The following SAMD4A variants were observed in gnomAD, a reference collection of about 807,000 sequenced individuals.
The protein encoded by SAMD4A is protein Smaug homolog 1.
Under a neutral mutation model 81.3 loss-of-function variants are expected in SAMD4A, and 33 were observed. The ratio of observed to expected loss-of-function variants is 0.41; its 90% CI spans 0.31 to 0.54. The LOEUF (loss-of-function observed/expected upper bound fraction) is 0.54. Ranked by LOEUF, SAMD4A falls within the 20% of genes least tolerant of loss-of-function variation. The probability of loss-of-function intolerance (pLI) is 0.37; values close to 1 mark genes in which losing one functional copy is unlikely to be tolerated. For missense variants in SAMD4A, 854 were observed against 951.1 expected (o/e 0.90, Z 1.34); for synonymous variants, 389 against 382.1 (o/e 1.02, Z -0.21).
rs553384825 is a variant in SAMD4A at position 54,583,957 on chromosome 14, G to A, written c.196+15845G>A. 4.6e-4 allele frequency among the ~76,000 whole-genome samples: 70 copies of A among 152,286 alleles called. 1 individual carries two copies. Among genetic ancestry groups the A allele is most frequent in the Middle Eastern group, 3.4e-3 (1 of 294 alleles). ...TTTTTCATTAATTTTCTCCACCAGTGTAGTAATAGTACATTACAATGTTCT... is the reference window on the plus strand; with the variant it reads ...TTTTTCATTAATTTTCTCCACCAGTATAGTAATAGTACATTACAATGTTCT... On this transcript the variant is annotated intron_variant, in intron 2 of 12. Transcript: ENST00000554335.
chr14:54,728,176 G>A (rs186384260), intron 3 of SAMD4A, among the ~76,000 whole-genome samples: 296 of 152,300 alleles, frequency 1.9e-3, no homozygotes, highest in African/African-American at 5.4e-3. Context: ...GAGCAATTAC[G>A]TAAATGCTGT....
Position 54,567,940 on chromosome 14 carries a change from G to A in SAMD4A, c.24G>A (p.Gly8=), listed in dbSNP as rs1053171241. 7 of 1,609,532 alleles carry A rather than the reference G, an allele frequency of 4.3e-6. No homozygotes were observed. The African/African-American group carries it at 9.4e-5, about 22-fold the overall frequency. ...CCATGATGTTTCGCGACCAGGTCGG[G>A]GTGCTGGCGGGCTGGTTTAAGGGCT... The part of the protein sequence containing the change: MMFRDQV[G]VLAGWFKGWN... The change falls in exon 2 of 13, where the codon GGG becomes GGA. Residue 8 remains glycine (G), a synonymous_variant. Transcript: ENST00000554335.
At chr14:54,733,363 TA>T (rs11299853) in intron 3 of SAMD4A, among the ~76,000 whole-genome samples, 95,131 of 151,906 alleles carry the variant, frequency 0.63, 30,743 homozygotes, top group Non-Finnish European at 0.71. Context: ...CTAAAATTTT[TA>T]TAGAGGTTTT....
chr14:54,684,290 G>C (rs1594806653), intron 2 of SAMD4A, among the ~76,000 whole-genome samples: 1 of 152,210 alleles, frequency 6.6e-6, no homozygotes, highest in East Asian at 1.9e-4. Flanking sequence ...ACTTCCAAAG[G>C]GGGAGCAGCT....
At chr14:54,599,977 A>G (rs948450599) in intron 2 of SAMD4A, among the ~76,000 whole-genome samples, 5 of 152,214 alleles carry the variant, frequency 3.3e-5, no homozygotes, top group Non-Finnish European at 5.9e-5. Flanking sequence ...AGAGACATGT[A>G]TTCCTGTATA....
upstream of SAMD4A, among the ~76,000 whole-genome samples, chr14:54,566,550 G>C (rs997900207): frequency 6.6e-6 from 1 of 151,768 alleles, no homozygotes; most frequent in African/African-American, 2.4e-5. Context: ...GTCGTTGGGG[G>C]GCGTGTGCCT....
intron 2 of SAMD4A, among the ~76,000 whole-genome samples, chr14:54,592,893 T>A (rs1242854784): frequency 6.6e-6 from 1 of 152,242 alleles, no homozygotes; most frequent in Non-Finnish European, 1.5e-5. Flanking sequence ...TTTATGCGTG[T>A]TTTTAACAAT....
intron 2 of SAMD4A, among the ~76,000 whole-genome samples, chr14:54,699,218 A>G (rs2036651460): frequency 6.6e-6 from 1 of 152,204 alleles, no homozygotes; most frequent in Non-Finnish European, 1.5e-5. Flanking sequence ...ATCATTTAAA[A>G]CATGCCTGGT....
At chr14:54,606,812 T>A (rs986760516) in intron 2 of SAMD4A, among the ~76,000 whole-genome samples, 1 of 152,226 alleles carries the variant, frequency 6.6e-6, no homozygotes, top group Non-Finnish European at 1.5e-5. Context: ...AATCTACAGA[T>A]TGCCTGTCTT....
chr14:54,576,591 A>T (rs2033304309), intron 2 of SAMD4A, among the ~76,000 whole-genome samples: 1 of 152,218 alleles, frequency 6.6e-6, no homozygotes. Flanking sequence ...TGTGAGTGGG[A>T]GGATGGACCG....
chr14:54,665,191 C>A (rs2035731231), intron 2 of SAMD4A, among the ~76,000 whole-genome samples: 1 of 152,114 alleles, frequency 6.6e-6, no homozygotes, highest in African/African-American at 2.4e-5. Context: ...TGATTGTTAT[C>A]TTTAACAATA....
intron 2 of SAMD4A, among the ~76,000 whole-genome samples, chr14:54,577,737 G>A (rs958805416): frequency 1.3e-5 from 2 of 152,194 alleles, no homozygotes; most frequent in Non-Finnish European, 2.9e-5. Flanking sequence ...GTACACACTC[G>A]GAGGGAGATG....
Position 54,567,798 on chromosome 14 carries a change from C to A in SAMD4A, c.-119C>A. On this transcript the variant is annotated 5_prime_UTR_variant, in exon 2 of 13. Coordinates refer to ENST00000554335, the MANE Select transcript of SAMD4A (RefSeq NM_015589.6). ...TACCTGCAGCGTCCGGGCACCAGAG[C>A]CACCTTGGAACAGGAACGCGTCTCC... 9.4e-7 allele frequency: 1 copy of A among 1,063,888 alleles called. No individual in the cohort carries two copies. Among genetic ancestry groups the A allele is most frequent in the Non-Finnish European group, 1.3e-6 (1 of 751,314 alleles). 65.9% of individuals were successfully genotyped at this position (1,063,888 alleles called of 1,614,324 possible). A position where few individuals can be genotyped will look rare whatever the true frequency, so the allele number is the denominator to read the frequency against.
intron 2 of SAMD4A, among the ~76,000 whole-genome samples, chr14:54,593,957 T>G (rs189226930): frequency 3.1e-3 from 468 of 152,220 alleles, no homozygotes; most frequent in Admixed American, 9.2e-3. Context: ...CTGATGGGAT[T>G]TCTTCTGTAG....
intron 2 of SAMD4A, among the ~76,000 whole-genome samples, chr14:54,655,458 G>A (rs1367842689): frequency 1.3e-5 from 2 of 152,134 alleles, no homozygotes; most frequent in African/African-American, 2.4e-5. Flanking sequence ...GGAGCCGGGC[G>A]CAGTGGCTCA....
chr14:54,702,771 T>G, intron 3 of SAMD4A, 191 bp downstream of exon 3: 1 of 659,674 alleles, frequency 1.5e-6, no homozygotes, highest in Non-Finnish European at 2.5e-6. Flanking sequence ...ATGAAAATAC[T>G]TGGGAAGGTA....
At chr14:54,577,061 C>T (rs183185157) in intron 2 of SAMD4A, among the ~76,000 whole-genome samples, 101 of 152,320 alleles carry the variant, frequency 6.6e-4, no homozygotes, top group Non-Finnish European at 1.1e-3. Context: ...CAACACAAGC[C>T]TGCATTATCA....
intron 2 of SAMD4A, among the ~76,000 whole-genome samples, chr14:54,657,923 A>G (rs1198055389): frequency 6.6e-6 from 1 of 152,228 alleles, no homozygotes; most frequent in East Asian, 1.9e-4. Flanking sequence ...TATCTTTAAC[A>G]GCCACAGAGC....
chr14:54,588,256 T>C (rs1345086117), intron 2 of SAMD4A, among the ~76,000 whole-genome samples: 2 of 152,184 alleles, frequency 1.3e-5, no homozygotes, highest in Non-Finnish European at 2.9e-5. Flanking sequence ...TAATTGAGCT[T>C]ATTTGGATCC....
Sources: gnomAD v4.1 joint callset for allele counts (sites outside exome capture counted in the v4.1 genomes callset) on GRCh38, gnomAD v4.1.1 for gene constraint, MANE v1.5 for transcripts, NCBI Gene and HGNC (gene_info 2026-07-23, HGNC 2026-07-21) for gene names.